The following LRRC37A2 variants were observed in gnomAD, a reference collection of about 807,000 sequenced individuals.
The protein encoded by LRRC37A2 is leucine-rich repeat-containing protein 37A2.
A neutral mutation model predicts 68.8 loss-of-function variants in LRRC37A2; 9 were observed. The observed-to-expected ratio is 0.13, with a 90% CI of 0.08 to 0.23. The LOEUF is 0.23. Among genes scored for constraint, LRRC37A2 ranks in the 10% least tolerant of loss-of-function variants. The probability of loss-of-function intolerance (pLI) is 1.00; values close to 1 mark genes in which losing one functional copy is unlikely to be tolerated. For synonymous variants in LRRC37A2, 63 were observed against 367.6 expected, an observed-to-expected ratio of 0.17 and a Z score of 9.48; for missense variants, 168 against 950.4, an observed-to-expected ratio of 0.18 and a Z score of 10.82.
At chr17:46,752,898 C>T in the LRRC37A2 span, among the ~76,000 whole-genome samples, 2 of 152,072 alleles carry the variant, frequency 1.3e-5, no homozygotes, top group Non-Finnish European at 2.9e-5. Flanking sequence ...TCCTGAGTAG[C>T]TGGGATTACA....
At chr17:47,005,562 C>T in the LRRC37A2 span, 1 of 152,188 alleles carries the variant, frequency 6.6e-6, no homozygotes, top group African/African-American at 2.4e-5. Flanking sequence ...TCCCACCCTC[C>T]ACATTTACAA....
chr17:46,755,330 G>A, the LRRC37A2 span: 6 of 1,613,480 alleles, frequency 3.7e-6, no homozygotes, highest in African/African-American at 1.3e-5. Flanking sequence ...CCTGAATACC[G>A]TGTGAGAAAA....
chr17:46,978,511 C>G, the LRRC37A2 span: 6 of 1,076,424 alleles, frequency 5.6e-6, no homozygotes, highest in African/African-American at 8.4e-5. Flanking sequence ...AGTCTCGCCG[C>G]GTCCCCGCCC....
At chr17:46,713,407 T>C in the LRRC37A2 span, 1 of 156,610 alleles carries the variant, frequency 6.4e-6, no homozygotes, top group Admixed American at 6.5e-5. Flanking sequence ...CCTGAGTCTT[T>C]AGAATTCTAA....
chr17:46,541,813 A>G (rs564758452), intron 8 of LRRC37A2, among the ~76,000 whole-genome samples: 2 of 151,156 alleles, frequency 1.3e-5, no homozygotes, highest in African/African-American at 4.9e-5. Flanking sequence ...TACAAACATT[A>G]TGTCATTTCA....
chr17:46,784,165 A>G, the LRRC37A2 span, among the ~76,000 whole-genome samples: 1 of 152,150 alleles, frequency 6.6e-6, no homozygotes, highest in African/African-American at 2.4e-5. Context: ...AGCTGTGAAT[A>G]AGGACTGGTA....
chr17:46,837,050 C>A, the LRRC37A2 span, among the ~76,000 whole-genome samples: 4 of 152,112 alleles, frequency 2.6e-5, no homozygotes, highest in African/African-American at 9.7e-5. Context: ...TCAAGCAATT[C>A]TCCTGCCTCA....
At chr17:46,997,128 A>G in the LRRC37A2 span, among the ~76,000 whole-genome samples, 3 of 152,152 alleles carry the variant, frequency 2.0e-5, no homozygotes, top group Non-Finnish European at 4.4e-5. Context: ...AGGCAGTCTG[A>G]TTGCTTGAGC....
chr17:46,924,022 G>C, the LRRC37A2 span, among the ~76,000 whole-genome samples: 1 of 152,118 alleles, frequency 6.6e-6, no homozygotes, highest in Admixed American at 6.5e-5. Flanking sequence ...ATTTTTAAGT[G>C]TACAATTCAG....
the LRRC37A2 span, among the ~76,000 whole-genome samples, chr17:46,492,066 C>T: frequency 2.7e-5 from 4 of 150,738 alleles, no homozygotes; most frequent in African/African-American, 5.0e-5. Flanking sequence ...CAGGTTCAAG[C>T]GATTCTCCTG....
chr17:46,907,927 T>C, the LRRC37A2 span, among the ~76,000 whole-genome samples: 3 of 152,196 alleles, frequency 2.0e-5, no homozygotes, highest in Middle Eastern at 3.4e-3. Context: ...ATTTCTATTT[T>C]GCCCTGGGCC....
the LRRC37A2 span, among the ~76,000 whole-genome samples, chr17:47,029,752 T>G: frequency 2.1e-4 from 32 of 152,288 alleles, no homozygotes; most frequent in African/African-American, 7.2e-4. Flanking sequence ...TACTAAGCAC[T>G]TTATACAACT....
At chr17:46,879,686 T>G in the LRRC37A2 span, among the ~76,000 whole-genome samples, 2 of 152,280 alleles carry the variant, frequency 1.3e-5, no homozygotes, top group Admixed American at 1.3e-4. Context: ...TTACTGAACA[T>G]CTCCATAGAC....
At chr17:46,872,802 G>T in the LRRC37A2 span, 2 of 1,438,524 alleles carry the variant, frequency 1.4e-6, no homozygotes, top group South Asian at 2.4e-5. Flanking sequence ...GGACGGGGAG[G>T]GCTGGGGGAA....
the LRRC37A2 span, chr17:46,872,730 C>T: frequency 9.2e-5 from 147 of 1,604,772 alleles, no homozygotes; most frequent in Middle Eastern, 1.8e-4. Flanking sequence ...GGCATGAGCG[C>T]TGGAACTGTA....
the LRRC37A2 span, among the ~76,000 whole-genome samples, chr17:46,691,231 T>G: frequency 0.14 from 1,334 of 9,470 alleles, 170 homozygotes; most frequent in East Asian, 0.23. Flanking sequence ...ACACTTTATT[T>G]GTTTTACAAC....
At chr17:46,966,566 C>T in the LRRC37A2 span, 2 of 696,000 alleles carry the variant, frequency 2.9e-6, no homozygotes, top group Admixed American at 4.0e-5. Context: ...CCAGAATGGA[C>T]CCGAACTCCT....
At chr17:46,988,414 G>T in the LRRC37A2 span, among the ~76,000 whole-genome samples, 1 of 152,208 alleles carries the variant, frequency 6.6e-6, no homozygotes, top group African/African-American at 2.4e-5. Flanking sequence ...TGGACATTGT[G>T]AATGCACAAA....
At chr17:46,851,541 C>G in the LRRC37A2 span, 1 of 599,088 alleles carries the variant, frequency 1.7e-6, no homozygotes, top group Non-Finnish European at 2.4e-6. This position sits in a 1 kb window ranked among gnomAD's most constrained non-coding sequence, Gnocchi z 4.3. Context: ...CCGCCTGCCC[C>G]GCCCCACCCG....
Sources: gnomAD v4.1 joint callset for allele counts (sites outside exome capture counted in the v4.1 genomes callset) on GRCh38, gnomAD v4.1.1 for gene constraint, Gnocchi (gnomAD v3.1) non-coding constraint, MANE v1.5 for transcripts, NCBI Gene and HGNC (gene_info 2026-07-23, HGNC 2026-07-21) for gene names.